The following FADS3 variants were observed in gnomAD, a reference collection of about 807,000 sequenced individuals.
The protein encoded by FADS3 is fatty acid desaturase 3.
In FADS3, 30 loss-of-function variants were observed where a neutral mutation model predicts 60.4. That is an observed-to-expected ratio of 0.50 (90% confidence interval 0.37 to 0.67). FADS3 has a LOEUF of 0.67. Ranked by LOEUF, FADS3 falls within the 30% of genes least tolerant of loss-of-function variation. The probability of loss-of-function intolerance (pLI) is 0.00; values close to 1 mark genes in which losing one functional copy is unlikely to be tolerated. For synonymous variants in FADS3, 234 were observed against 249.3 expected (o/e 0.94, Z 0.58); for missense variants, 432 against 598.3 (o/e 0.72, Z 2.90).
intron 11 of FADS3, 45 bp from the exon 12 acceptor site, chr11:61,873,910 T>C (rs1463877949): frequency 6.0e-6 from 8 of 1,335,156 alleles, no homozygotes; most frequent in African/African-American, 1.4e-5. Context: ...AGGAGCTCAG[T>C]TGCAAGATCC....
At chr11:61,878,926 G>A in intron 3 of FADS3, 79 bp from the exon 4 acceptor site, 3 of 1,163,748 alleles carry the variant, frequency 2.6e-6, no homozygotes, top group Middle Eastern at 2.2e-4. Context: ...AATCCTTTCA[G>A]CTTGCAGGGT....
At position 61,891,300 on chromosome 11, in the gene FADS3, T is replaced by G. The variant is rs1938503113; in HGVS notation, c.82A>C (p.Ile28Leu). 6.5e-7 allele frequency: 1 copy of G among 1,533,418 alleles called. No individual in the cohort carries two copies. The highest frequency in any genetic ancestry group is 1.4e-5 in the African/African-American group (1 of 72,746). The allele number at this position is 1,533,418 out of a possible 1,614,324, so 95.0% of individuals were successfully genotyped here. The change falls in exon 1 of 12, where the codon ATC (isoleucine) becomes CTC (leucine). Residue 28 changes from isoleucine to leucine, a missense_variant. Physicochemically the swap from Ile to Leu is conservative, Grantham distance 5. Transcript: ENST00000278829. ...TCGCCGGGCTGGTCGTGCGCGCGGA[T>G]CTGCTCCCAGCAGAAGGTGGGCAGC... ...APLPTFCWEQIRAHDQPGDKW... is the reference protein window; with the variant it reads ...APLPTFCWEQLRAHDQPGDKW...
chr11:61,875,941 C>T lies in FADS3; in HGVS notation c.1196G>A (p.Arg399Gln), dbSNP rs750984503. 8.7e-6 allele frequency: 14 copies of T among 1,613,620 alleles called. No homozygotes were observed. In the East Asian group the frequency reaches 1.1e-4, roughly 13 times the overall value. ...FPRMPRHNYS[R>Q]VAPLVKSLCA... Reference sequence around the variant, plus strand: ...CAGCGACTTGACCAGCGGGGCCACCCGGCTGTAGTTGTGTCTCGGCATCCT... The same window carrying T: ...CAGCGACTTGACCAGCGGGGCCACCTGGCTGTAGTTGTGTCTCGGCATCCT... The change falls in exon 11 of 12, where the codon CGG (arginine) becomes CAG (glutamine). Residue 399 changes from arginine (R) to glutamine (Q), a missense_variant. Arg to Gln is a conservative substitution (Grantham distance 43). Around this residue, in one of 5 missense-constraint regions of FADS3, gnomAD observed 63 missense variants for 64.5 expected, o/e 0.98. Transcript: ENST00000278829.
At position 61,880,092 on chromosome 11, in the gene FADS3, C is replaced by T. The variant is rs1938072559; in HGVS notation, c.273G>A (p.Leu91=). The T allele has an allele frequency of 6.2e-7, 1 of 1,614,026 alleles. No individual in the cohort carries two copies. Among genetic ancestry groups the T allele is most frequent in the Non-Finnish European group, 8.5e-7 (1 of 1,179,998 alleles). ...LNFVRKFLQP[L]LIGELAPEEP... is the part of the protein sequence containing the mutation. ...CTTCCGGAGCCAGCTCTCCAATCAACAGGGGCTGTAGGAACTTGCGCACAA... is the reference window on the plus strand; with the variant it reads ...CTTCCGGAGCCAGCTCTCCAATCAATAGGGGCTGTAGGAACTTGCGCACAA... Residue 91 remains leucine (L), a synonymous_variant, in exon 2 of 12, where the codon CTG becomes CTA. Transcript: ENST00000278829.
At position 61,878,188 on chromosome 11, in the gene FADS3, G is replaced by T. The variant is rs1480867004; in HGVS notation, c.775C>A (p.Pro259Thr). The change falls in exon 6 of 12, where the codon CCC becomes ACC. Residue 259 changes from proline to threonine, a missense_variant. Physicochemically the swap from Pro to Thr is conservative, Grantham distance 38. This residue lies in a region of FADS3 where 116 missense variants were observed against 208.9 expected (regional missense o/e 0.56). Coordinates refer to ENST00000278829, the MANE Select transcript of FADS3 (RefSeq NM_021727.5). ...EYGKKKRRYLPYNQQHLYFFL... is the reference protein window; with the variant it reads ...EYGKKKRRYLTYNQQHLYFFL... Reference sequence around the variant, plus strand: ...AAGTACAGGTGCTGCTGGTTGTAGGGTAGGTATCTGCGTTTCTTCTTGCCA... The same window carrying T: ...AAGTACAGGTGCTGCTGGTTGTAGGTTAGGTATCTGCGTTTCTTCTTGCCA... 1 of 1,614,202 alleles carries T rather than the reference G, an allele frequency of 6.2e-7. No individual in the cohort carries two copies.
At chr11:61,890,284 T>A (rs7926824) in intron 1 of FADS3, 1 of 152,242 alleles carries the variant, frequency 6.6e-6, no homozygotes, top group Non-Finnish European at 1.5e-5. Context: ...GGTGGCCCTG[T>A]CAAGAGGGAC....
At position 61,878,569 on chromosome 11, in the gene FADS3, G is replaced by A; in HGVS notation, c.690C>T (p.His230=). The part of the protein sequence containing the change: ...FQHHAKPNIF[H]KDPDVTVAPV... ...GCGCCACCGTCACGTCTGGGTCTTT[G>A]TGGAAGATGTTGGGCTTGGCGTGGT... Residue 230 remains histidine, a synonymous_variant, in exon 5 of 12, where the codon CAC becomes CAT. Coordinates refer to ENST00000278829, the MANE Select transcript of FADS3 (RefSeq NM_021727.5). 6.2e-7 allele frequency: 1 copy of A among 1,614,210 alleles called. No homozygotes were observed. The highest frequency in any genetic ancestry group is 8.5e-7 in the Non-Finnish European group (1 of 1,180,042).
chr11:61,876,936 C>T lies in FADS3; in HGVS notation c.913G>A (p.Ala305Thr). 9 of 1,607,496 alleles carry T rather than the reference C, an allele frequency of 5.6e-6. No homozygotes were observed. The highest frequency in any genetic ancestry group is 7.6e-6 in the Non-Finnish European group (9 of 1,177,808). The part of the protein sequence containing the change: ...ADLLWAASFY[A>T]RFFLSYLPFY... ...GGGAGGTAGGATAAGAAGAAGCGGGCATAGAAGCTGGCGGCCCAGAGCAAA... is the reference window on the plus strand; with the variant it reads ...GGGAGGTAGGATAAGAAGAAGCGGGTATAGAAGCTGGCGGCCCAGAGCAAA... The change falls in exon 8 of 12, where the codon GCC (alanine) becomes ACC (threonine). Residue 305 changes from alanine (A) to threonine (T), a missense_variant. Ala to Thr is a moderately conservative substitution (Grantham distance 58, BLOSUM62 0). Around this residue, in one of 5 missense-constraint regions of FADS3, gnomAD observed 38 missense variants for 34.8 expected, o/e 1.09. Coordinates refer to ENST00000278829, the MANE Select transcript of FADS3 (RefSeq NM_021727.5). This position sits in a 1 kb window ranked among gnomAD's most constrained non-coding sequence, Gnocchi z 5.7.
chr11:61,885,455 C>A (rs998973093), intron 1 of FADS3, among the ~76,000 whole-genome samples: 7 of 152,214 alleles, frequency 4.6e-5, no homozygotes, highest in African/African-American at 1.2e-4. Context: ...CTCCACAGCC[C>A]AGCTCTTTCT....
At chr11:61,880,562 T>C (rs1423577839) in intron 1 of FADS3, 2 of 156,338 alleles carry the variant, frequency 1.3e-5, no homozygotes, top group Non-Finnish European at 2.8e-5. Context: ...ACATTTGATT[T>C]ACCCCGTTTT....
chr11:61,874,150 C>A (rs1937782934), intron 11 of FADS3, among the ~76,000 whole-genome samples: 1 of 152,240 alleles, frequency 6.6e-6, no homozygotes, highest in African/African-American at 2.4e-5. Context: ...GTCCCTCCTG[C>A]ACCCAGTTCT....
chr11:61,876,950 GCCC>G lies in FADS3; in HGVS notation c.896_898del (p.Trp299_Ala300delinsSer). The stretch of plus-strand genomic sequence containing the variant: ...GAAGAAGCGGGCATAGAAGCTGGCG[GCCC>G]AGAGCAAATCCTGCAGAGGAGGGCA... On this transcript the variant is annotated inframe_deletion, in exon 8 of 12. Transcript: ENST00000278829. The surrounding 1 kb of genome is among the most constrained non-coding windows in gnomAD (Gnocchi z 5.7). 1 of 1,602,812 alleles carries G rather than the reference GCCC, an allele frequency of 6.2e-7. No homozygotes were observed.
chr11:61,889,390 G>A (rs1296715474), intron 1 of FADS3, among the ~76,000 whole-genome samples: 1 of 151,132 alleles, frequency 6.6e-6, no homozygotes, highest in Non-Finnish European at 1.5e-5. Flanking sequence ...GGTGGCTCAC[G>A]CCTGTAATCC....
intron 1 of FADS3, among the ~76,000 whole-genome samples, chr11:61,885,935 C>T (rs1010810860): frequency 2.0e-5 from 3 of 152,122 alleles, no homozygotes; most frequent in African/African-American, 7.2e-5. Context: ...CCCTGGCGCC[C>T]GTCAGAGGAG....
rs1424738458 is a variant in FADS3, at chr11:61,876,877, AAAG to A, written c.969_971del (p.Phe324del). ...ACTCCCTGCCATACCTGACAGCAAC[AAAG>A]AAGAGCAGCACCCCAGGGACGCCGT... is the stretch of plus-strand genomic sequence containing the variant. On this transcript the variant is annotated inframe_deletion, in exon 8 of 12. Transcript: ENST00000278829. The surrounding 1 kb of genome is among the most constrained non-coding windows in gnomAD (Gnocchi z 5.7). 1.2e-6 allele frequency: 2 copies of A among 1,609,610 alleles called. No homozygotes were observed. Among genetic ancestry groups the A allele is most frequent in the East Asian group, 2.2e-5 (1 of 44,712 alleles).
In FADS3 at chr11:61,877,302, C is replaced by T. The variant is rs1451295178; in HGVS notation, c.885+209G>A. ...GACCCACACCCCCCCTGTTCCTCAACCCCCCCCCACCACACGTACAGTCAC... is the reference window on the plus strand; with the variant it reads ...GACCCACACCCCCCCTGTTCCTCAATCCCCCCCCACCACACGTACAGTCAC... On this transcript the variant is annotated intron_variant, in intron 7 of 11. Coordinates refer to ENST00000278829, the MANE Select transcript of FADS3 (RefSeq NM_021727.5). This position sits in a 1 kb window ranked among gnomAD's most constrained non-coding sequence, Gnocchi z 4.7. The T allele has an allele frequency of 1.6e-5, 3 of 190,808 alleles. No individual in the cohort carries two copies. The highest frequency in any genetic ancestry group is 1.3e-4 in the Admixed American group (2 of 14,948). The allele number at this position is 190,808 out of a possible 1,614,324, so 11.8% of individuals were successfully genotyped here. A position where few individuals can be genotyped will look rare whatever the true frequency, so the allele number is the denominator to read the frequency against.
At chr11:61,873,993 C>A in intron 11 of FADS3, 128 bp from the exon 12 acceptor site, 2 of 629,572 alleles carry the variant, frequency 3.2e-6, no homozygotes, top group Middle Eastern at 3.0e-4. Flanking sequence ...TCCCTGGGGG[C>A]AGGCAGCGAT....
Position 61,877,152 on chromosome 11 carries a change from C to G in FADS3, c.886-189G>C. The G allele has an allele frequency of 3.6e-6, 2 of 563,222 alleles. No homozygotes were observed. The highest frequency in any genetic ancestry group is 6.3e-6 in the Non-Finnish European group (2 of 315,648). The allele number at this position is 563,222 out of a possible 1,614,324, so 34.9% of individuals were successfully genotyped here. ...GAACAGGGTCCTTGCCCTGCCAGCTCACGAGGCTGATTTTAGTGACGAAGG... is the reference window on the plus strand; with the variant it reads ...GAACAGGGTCCTTGCCCTGCCAGCTGACGAGGCTGATTTTAGTGACGAAGG... On this transcript the variant is annotated intron_variant, in intron 7 of 11. Coordinates refer to ENST00000278829, the MANE Select transcript of FADS3 (RefSeq NM_021727.5). This position sits in a 1 kb window ranked among gnomAD's most constrained non-coding sequence, Gnocchi z 4.7.
In FADS3 at chr11:61,891,074, G is replaced by A. The variant is rs1189248609; in HGVS notation, c.213+95C>T. ...GTCAAAGGTCAGCGAGGGGAGGGAG[G>A]ATGCTAAGGCCCCACAGGTGGAGCG... On this transcript the variant is annotated intron_variant, in intron 1 of 11. Transcript: ENST00000278829. 4.6e-6 allele frequency: 5 copies of A among 1,076,498 alleles called. No homozygotes were observed. In the African/African-American group the frequency reaches 7.9e-5, roughly 17 times the overall value. The allele number at this position is 1,076,498 out of a possible 1,614,324, so 66.7% of individuals were successfully genotyped here.
Sources: gnomAD v4.1 joint callset for allele counts (sites outside exome capture counted in the v4.1 genomes callset) on GRCh38, gnomAD v4.1.1 for gene constraint, gnomAD v4.1.1 regional missense constraint, Gnocchi (gnomAD v3.1) non-coding constraint, MANE v1.5 for transcripts, NCBI Gene and HGNC (gene_info 2026-07-23, HGNC 2026-07-21) for gene names.